The following AKAP10 variants were observed in gnomAD, a reference collection of about 807,000 sequenced individuals.
AKAP10 encodes the protein A-kinase anchoring protein 10.
A neutral mutation model predicts 80.8 loss-of-function variants in AKAP10; 24 were observed. The observed-to-expected ratio is 0.30, with a 90% CI of 0.22 to 0.42. The LOEUF is 0.42. AKAP10 is among the 10% of genes least tolerant of loss of function. AKAP10 has a pLI of 1.00. For missense variants in AKAP10, 661 were observed against 794.9 expected (o/e 0.83, Z 2.03); for synonymous variants, 291 against 277.7 (o/e 1.05, Z -0.48).
intron 9 of AKAP10, among the ~76,000 whole-genome samples, chr17:19,934,366 A>G (rs860335): frequency 0.4 from 61,475 of 151,888 alleles, 12,869 homozygotes; most frequent in African/African-American, 0.5. Flanking sequence ...TTAATTGTTC[A>G]AGACAGGGTC....
intron 4 of AKAP10, among the ~76,000 whole-genome samples, chr17:19,954,034 C>T (rs1160065986): frequency 1.3e-5 from 2 of 151,634 alleles, no homozygotes; most frequent in South Asian, 2.1e-4. Context: ...CTCTGTCTCA[C>T]ACACAAAAAA....
At chr17:19,935,079 T>C (rs1433413352) in intron 9 of AKAP10, among the ~76,000 whole-genome samples, 1 of 152,212 alleles carries the variant, frequency 6.6e-6, no homozygotes, top group Non-Finnish European at 1.5e-5. Flanking sequence ...TGTGCTAACA[T>C]CACAGAGTGT....
chr17:19,907,410 CTTT>C (rs59027197), intron 14 of AKAP10, among the ~76,000 whole-genome samples: 5 of 136,406 alleles, frequency 3.7e-5, no homozygotes, highest in Non-Finnish European at 4.8e-5. Flanking sequence ...TTTTCTTTAA[CTTT>C]TTTTTTTTTT....
At chr17:19,938,844 T>G (rs569017921) in intron 8 of AKAP10, among the ~76,000 whole-genome samples, 1 of 152,086 alleles carries the variant, frequency 6.6e-6, no homozygotes, top group South Asian at 2.1e-4. Flanking sequence ...GTGATCCTTC[T>G]GCCTCAGGCC....
At chr17:19,942,740 A>G (rs1597507310) in intron 5 of AKAP10, among the ~76,000 whole-genome samples, 1 of 152,228 alleles carries the variant, frequency 6.6e-6, no homozygotes, top group East Asian at 1.9e-4. Flanking sequence ...GAAAAACCAT[A>G]TAACATGATG....
intron 10 of AKAP10, among the ~76,000 whole-genome samples, chr17:19,928,242 TA>T (rs1183256238): frequency 2.0e-5 from 3 of 151,138 alleles, no homozygotes; most frequent in Non-Finnish European, 4.4e-5. Flanking sequence ...AATAAATAAA[TA>T]AAAATAAAAA....
chr17:19,947,644 T>C, intron 4 of AKAP10, 139 bp from the exon 5 acceptor site: 1 of 701,074 alleles, frequency 1.4e-6, no homozygotes, highest in Admixed American at 2.5e-5. Context: ...TGCTTTTTCA[T>C]TGTTTGGTTT....
intron 10 of AKAP10, chr17:19,929,848 A>G (rs572649897): frequency 6.6e-5 from 10 of 152,256 alleles, no homozygotes; most frequent in Admixed American, 2.6e-4. Flanking sequence ...GTGGTTGCAC[A>G]TGCCTGTAAT....
intron 4 of AKAP10, among the ~76,000 whole-genome samples, chr17:19,948,335 C>T (rs985196802): frequency 1.2e-4 from 17 of 143,392 alleles, no homozygotes; most frequent in Non-Finnish European, 2.5e-4. Context: ...ACACCAGATG[C>T]ACAAAGAAGA....
At chr17:19,929,516 C>T (rs1048335331) in intron 10 of AKAP10, 2 of 152,094 alleles carry the variant, frequency 1.3e-5, no homozygotes, top group South Asian at 2.1e-4. Context: ...GCTGATAATG[C>T]TGTTTTTGAT....
chr17:19,956,706 C>T (rs777675070), intron 4 of AKAP10, among the ~76,000 whole-genome samples: 2 of 152,006 alleles, frequency 1.3e-5, no homozygotes, highest in Non-Finnish European at 1.5e-5. Flanking sequence ...AGTAACTTTG[C>T]GATGAAAATA....
chr17:19,906,241 A>C lies in AKAP10; in HGVS notation c.1984-9T>G. ...CAAGTTTTGAGTCATAACTGAAAAAAGAAAAGAAAAGAAAATGGTAAGGTG... is the reference window on the plus strand; with the variant it reads ...CAAGTTTTGAGTCATAACTGAAAAACGAAAAGAAAAGAAAATGGTAAGGTG... On this transcript the variant is annotated splice_polypyrimidine_tract_variant and intron_variant, in intron 14 of 14. Transcript: ENST00000225737. 1.2e-6 allele frequency: 2 copies of C among 1,600,914 alleles called. No individual in the cohort carries two copies. The highest frequency in any genetic ancestry group is 1.7e-6 in the Non-Finnish European group (2 of 1,175,548).
chr17:19,970,828 AAAAAAAAT>A (rs1246903705), intron 1 of AKAP10, among the ~76,000 whole-genome samples: 5 of 150,078 alleles, frequency 3.3e-5, no homozygotes, highest in Admixed American at 1.3e-4. Context: ...GTCTTAAAAA[AAAAAAAAT>A]AAATAAATAA....
chr17:19,924,365 G>C (rs2042851360), intron 11 of AKAP10, 43 bp downstream of exon 11: 8 of 1,364,640 alleles, frequency 5.9e-6, no homozygotes, highest in Non-Finnish European at 8.0e-6. Context: ...AAGATGCAAA[G>C]TTATTTACAC....
At chr17:19,962,690 C>T (rs2043367583) in intron 3 of AKAP10, 150 bp downstream of exon 3, 1 of 761,810 alleles carries the variant, frequency 1.3e-6, no homozygotes, top group South Asian at 2.4e-5. Context: ...GAACACAACA[C>T]AGCTACCCAT....
Position 19,960,428 on chromosome 17 carries a change from T to G in AKAP10, c.320-1857A>C, listed in dbSNP as rs78861766. ...TCTTAATTTCTCTATTTCAAGAATA[T>G]TATCCAAACGGAATCATACTATATG... On this transcript the variant is annotated intron_variant, in intron 3 of 14. Coordinates refer to ENST00000225737, the MANE Select transcript of AKAP10 (RefSeq NM_007202.4). Among the ~76,000 whole-genome samples, 408 of 152,332 alleles carry G rather than the reference T, an allele frequency of 2.7e-3. 15 individuals are homozygous for G. In the East Asian group the frequency reaches 0.074, roughly 28 times the overall value.
At position 19,947,181 on chromosome 17, in the gene AKAP10, C is replaced by T. The variant is rs2043144031; in HGVS notation, c.976+226G>A. 1.6e-5 allele frequency: 8 copies of T among 507,580 alleles called. No individual in the cohort carries two copies. In the South Asian group the frequency reaches 1.7e-4, roughly 11 times the overall value. The allele number at this position is 507,580 out of a possible 1,614,324, so 31.4% of individuals were successfully genotyped here. On this transcript the variant is annotated intron_variant, in intron 5 of 14. Transcript: ENST00000225737. ...AGCAGCGGGCAGGCCTGAGCACCCG[C>T]TACACTGCAGCCCATCTGGCCCAGG...
At chr17:19,977,563 T>C in intron 1 of AKAP10, 29 bp downstream of exon 1, 1 of 1,231,754 alleles carries the variant, frequency 8.1e-7, no homozygotes, top group Non-Finnish European at 1.0e-6. Flanking sequence ...AGGCCCGGCC[T>C]GACTCCCCGC....
At chr17:19,935,614 AT>A (rs200426239) in intron 9 of AKAP10, among the ~76,000 whole-genome samples, 16,274 of 150,490 alleles carry the variant, frequency 0.11, 887 homozygotes, top group Non-Finnish European at 0.12. Flanking sequence ...TCTATTTTTA[AT>A]TTTTTTTTTC....
Sources: allele counts gnomAD v4.1 joint callset (sites outside exome capture counted in the v4.1 genomes callset), GRCh38; gene constraint gnomAD v4.1.1; transcripts MANE v1.5; gene names NCBI Gene and HGNC (gene_info 2026-07-23, HGNC 2026-07-21).